ADARB2: variants seen among roughly 807,000 people sequenced by gnomAD.
ADARB2 encodes inactive double-stranded RNA-specific editase B2.
ADARB2 carries 25 observed loss-of-function variants against 62.2 expected under a neutral mutation model. That is an observed-to-expected ratio of 0.40 (90% CI 0.29 to 0.56). The LOEUF is 0.56. Among genes scored for constraint, ADARB2 ranks in the 20% least tolerant of loss-of-function variants. ADARB2 has a pLI of 0.43. For synonymous variants in ADARB2, 572 were observed against 500.8 expected, an observed-to-expected ratio of 1.14 and a Z score of -1.90; for missense variants, 1,071 against 1,077.4, an observed-to-expected ratio of 0.99 and a Z score of 0.08.
intron 1 of ADARB2, among the ~76,000 whole-genome samples, chr10:1,455,058 C>T (rs146665429): frequency 2.6e-5 from 4 of 152,192 alleles, no homozygotes; most frequent in African/African-American, 9.7e-5. Flanking sequence ...GCTTTTCCCC[C>T]TCAGTGGAAA....
At chr10:1,733,102 T>C (rs1835253954) in intron 1 of ADARB2, among the ~76,000 whole-genome samples, 1 of 152,224 alleles carries the variant, frequency 6.6e-6, no homozygotes, top group Non-Finnish European at 1.5e-5. Flanking sequence ...AAAGCTCAAA[T>C]GCAACCCGAC....
At chr10:1,312,190 C>T (rs972787220) in intron 3 of ADARB2, among the ~76,000 whole-genome samples, 2 of 152,252 alleles carry the variant, frequency 1.3e-5, no homozygotes, top group Non-Finnish European at 2.9e-5. Flanking sequence ...TTCTCCCTCT[C>T]CTTGGAGCAT....
chr10:1,427,720 T>C (rs1290628981), intron 1 of ADARB2, among the ~76,000 whole-genome samples: 5 of 152,226 alleles, frequency 3.3e-5, no homozygotes, highest in Non-Finnish European at 7.3e-5. Context: ...GGTCACATTT[T>C]TGGGCATTAA....
intron 1 of ADARB2, among the ~76,000 whole-genome samples, chr10:1,577,454 A>G (rs1372803684): frequency 6.6e-6 from 1 of 151,684 alleles, no homozygotes; most frequent in Admixed American, 6.6e-5. Context: ...GATGTTGTTT[A>G]TTGAAATTAG....
intron 1 of ADARB2, among the ~76,000 whole-genome samples, chr10:1,396,366 C>T (rs1044120846): frequency 2.0e-5 from 3 of 152,204 alleles, no homozygotes; most frequent in Non-Finnish European, 2.9e-5. Flanking sequence ...AGCCTTCACG[C>T]CCGTCTCTGG....
rs1255744378 is a variant in ADARB2, at chr10:1,591,659, G to GCACACA, written c.100+145386_100+145391dup. 9.3e-3 allele frequency among the ~76,000 whole-genome samples: 1,146 copies of GCACACA among 122,686 alleles called. 8 individuals carry two copies. Among genetic ancestry groups the GCACACA allele is most frequent in the Middle Eastern group, 0.035 (9 of 254 alleles). The allele number at this position is 122,686 out of a possible 152,430, so 80.5% of individuals were successfully genotyped here. A position where few individuals can be genotyped will look rare whatever the true frequency, so the allele number is the denominator to read the frequency against. The stretch of plus-strand genomic sequence containing the variant: ...CTCTCTTACACACAGAGGCGTGCAC[G>GCACACA]CACACACACACACACACACGCACAC... On this transcript the variant is annotated intron_variant, in intron 1 of 9. Transcript: ENST00000381312.
At chr10:1,262,794 G>A (rs1239919378) in intron 4 of ADARB2, among the ~76,000 whole-genome samples, 1 of 152,078 alleles carries the variant, frequency 6.6e-6, no homozygotes, top group Non-Finnish European at 1.5e-5. Flanking sequence ...TATACCCAAA[G>A]GATTATAAAT....
At chr10:1,668,671 C>T (rs916983916) in intron 1 of ADARB2, among the ~76,000 whole-genome samples, 13 of 152,176 alleles carry the variant, frequency 8.5e-5, no homozygotes, top group Non-Finnish European at 1.6e-4. Context: ...CAAGAGGCCC[C>T]GTGTGCACTG....
chr10:1,258,127 T>C (rs996063491), intron 4 of ADARB2, among the ~76,000 whole-genome samples: 3 of 152,190 alleles, frequency 2.0e-5, no homozygotes, highest in African/African-American at 7.2e-5. Flanking sequence ...TCTTTTTCTC[T>C]TTCTCTCTCC....
At chr10:1,248,132 C>T (rs958721553) in intron 4 of ADARB2, among the ~76,000 whole-genome samples, 6 of 152,094 alleles carry the variant, frequency 3.9e-5, no homozygotes, top group African/African-American at 1.4e-4. Context: ...AGACGCCAGG[C>T]GAGGGGAGGC....
intron 1 of ADARB2, among the ~76,000 whole-genome samples, chr10:1,418,292 C>T (rs1832822292): frequency 3.3e-5 from 5 of 152,284 alleles, no homozygotes; most frequent in Non-Finnish European, 5.9e-5. Context: ...CCGGGAAAGA[C>T]GGTGGGCTCA....
At chr10:1,419,025 C>T (rs1165752424) in intron 1 of ADARB2, among the ~76,000 whole-genome samples, 2 of 152,288 alleles carry the variant, frequency 1.3e-5, no homozygotes, top group Non-Finnish European at 2.9e-5. Flanking sequence ...GATGTTTAGA[C>T]AACACTGGTT....
intron 1 of ADARB2, among the ~76,000 whole-genome samples, chr10:1,708,242 C>T (rs1039887606): frequency 2.0e-5 from 3 of 152,028 alleles, no homozygotes; most frequent in Non-Finnish European, 2.9e-5. Context: ...GGGGAGTTTT[C>T]TATGTTGCAG....
In ADARB2 at chr10:1,737,218, A is replaced by AGCCGCC; in HGVS notation, c.-74_-69dup. 6.5e-7 allele frequency: 1 copy of AGCCGCC among 1,527,866 alleles called. No individual in the cohort carries two copies. The highest frequency in any genetic ancestry group is 8.9e-7 in the Non-Finnish European group (1 of 1,118,646). The allele number at this position is 1,527,866 out of a possible 1,614,324, so 94.6% of individuals were successfully genotyped here. On this transcript the variant is annotated 5_prime_UTR_variant, in exon 1 of 10. Transcript: ENST00000381312. ...CACCTGCACCTGCCTCCTTCCCGGCAGCCGCCGCCGCCGCTGCTGCGAAGC... is the reference window on the plus strand; with the variant it reads ...CACCTGCACCTGCCTCCTTCCCGGCAGCCGCCGCCGCCGCCGCCGCTGCTGCGAAGC...
chr10:1,326,198 C>T (rs1831843177), intron 3 of ADARB2, among the ~76,000 whole-genome samples: 1 of 152,222 alleles, frequency 6.6e-6, no homozygotes, highest in Non-Finnish European at 1.5e-5. Flanking sequence ...TCACTATCTT[C>T]AGCTTTACTG....
chr10:1,401,631 A>G (rs558591454), intron 1 of ADARB2, among the ~76,000 whole-genome samples: 70 of 152,334 alleles, frequency 4.6e-4, no homozygotes, highest in African/African-American at 1.7e-3. Flanking sequence ...CAAGGAGGCT[A>G]CACTGTGTAT....
chr10:1,364,003 C>G (rs1473310628), intron 2 of ADARB2, 86 bp from the exon 3 acceptor site: 1 of 1,385,678 alleles, frequency 7.2e-7, no homozygotes, highest in African/African-American at 1.5e-5. Flanking sequence ...GGGTCCCCGT[C>G]CCAGCGACCT....
Position 1,704,315 on chromosome 10 carries a change from CAGTGGG to C in ADARB2, c.100+32730_100+32735del, listed in dbSNP as rs796076718. ...TATATAACTCAGCATAATGTAGAAT[CAGTGGG>C]AGTCCTGAGCTTGTTTTCCTGCAAC... On this transcript the variant is annotated intron_variant, in intron 1 of 9. Transcript: ENST00000381312. This position sits in a 1 kb window ranked among gnomAD's most constrained non-coding sequence, Gnocchi z 5.6. Among the ~76,000 whole-genome samples, 9 of 152,260 alleles carry C rather than the reference CAGTGGG, an allele frequency of 5.9e-5. No homozygotes were observed. The highest frequency in any genetic ancestry group is 2.2e-4 in the African/African-American group (9 of 41,538).
intron 1 of ADARB2, among the ~76,000 whole-genome samples, chr10:1,693,898 C>A (rs1455917515): frequency 6.6e-6 from 1 of 152,202 alleles, no homozygotes; most frequent in African/African-American, 2.4e-5. Flanking sequence ...GCAGGCTGGT[C>A]ATACAGGAAT....
Sources: allele counts gnomAD v4.1 joint callset (sites outside exome capture counted in the v4.1 genomes callset), GRCh38; gene constraint gnomAD v4.1.1; non-coding constraint Gnocchi (gnomAD v3.1); transcripts MANE v1.5; gene names NCBI Gene and HGNC (gene_info 2026-07-23, HGNC 2026-07-21).